AGBL4: variants seen among roughly 807,000 people sequenced by gnomAD.
AGBL4 encodes cytosolic carboxypeptidase 6.
In AGBL4, 58 loss-of-function variants were observed where a neutral mutation model predicts 66.4. That is an observed-to-expected ratio of 0.87 (90% CI 0.71 to 1.09). The LOEUF is 1.09. AGBL4 is among the 50% of genes least tolerant of loss of function. AGBL4 has a pLI of 0.00. For missense variants in AGBL4, 579 were observed against 631.0 expected (o/e 0.92, Z 0.88); for synonymous variants, 234 against 222.9 (o/e 1.05, Z -0.44).
intron 5 of AGBL4, among the ~76,000 whole-genome samples, chr1:49,001,884 A>C (rs1661418709): frequency 6.6e-6 from 1 of 152,232 alleles, no homozygotes; most frequent in South Asian, 2.1e-4. Context: ...TGGCTTTACC[A>C]GTACCCTGCC....
At chr1:48,620,701 A>G (rs1645398562) in intron 9 of AGBL4, among the ~76,000 whole-genome samples, 1 of 152,222 alleles carries the variant, frequency 6.6e-6, no homozygotes. Flanking sequence ...TGAAATCAAC[A>G]TTGAAATAGT....
At chr1:49,232,305 G>C (rs982389122) in intron 4 of AGBL4, among the ~76,000 whole-genome samples, 1 of 152,076 alleles carries the variant, frequency 6.6e-6, no homozygotes, top group African/African-American at 2.4e-5. Flanking sequence ...GGCACATATG[G>C]AGAGATTGCA....
At chr1:49,983,916 G>C (rs1390368379) in intron 1 of AGBL4, among the ~76,000 whole-genome samples, 2 of 152,146 alleles carry the variant, frequency 1.3e-5, no homozygotes, top group East Asian at 1.9e-4. Context: ...TGAGTTCCCA[G>C]CCATGACGGG....
At chr1:49,986,209 T>G (rs983399640) in intron 1 of AGBL4, among the ~76,000 whole-genome samples, 1 of 152,090 alleles carries the variant, frequency 6.6e-6, no homozygotes, top group African/African-American at 2.4e-5. Context: ...AGTCCTCATC[T>G]TGCCCCTTCC....
Position 48,676,282 on chromosome 1 carries a change from G to T in AGBL4, c.635-13041C>A, listed in dbSNP as rs572227480. Among the ~76,000 whole-genome samples the T allele has an allele frequency of 3.3e-5, 5 of 152,376 alleles. No homozygotes were observed. In the East Asian group the frequency reaches 9.6e-4, roughly 29 times the overall value. ...ATTCATTTAGAAAGGCTTGAGTGGG[G>T]GGTCTGAAGGTCTGAAGGTGCTGGC... On this transcript the variant is annotated intron_variant, in intron 6 of 13. Coordinates refer to ENST00000371839, the MANE Select transcript of AGBL4 (RefSeq NM_032785.4).
chr1:49,817,654 A>G (rs1408640760), intron 2 of AGBL4, among the ~76,000 whole-genome samples: 3 of 152,312 alleles, frequency 2.0e-5, no homozygotes, highest in South Asian at 4.1e-4. Flanking sequence ...AAACAAAGAA[A>G]AAGTGTATAC....
At chr1:49,937,911 C>T (rs1243188854) in intron 1 of AGBL4, among the ~76,000 whole-genome samples, 1 of 152,078 alleles carries the variant, frequency 6.6e-6, no homozygotes, top group Non-Finnish European at 1.5e-5. Flanking sequence ...CCAAAATTGA[C>T]ACCCTAACAT....
At chr1:49,658,446 G>A (rs1646196209) in intron 3 of AGBL4, among the ~76,000 whole-genome samples, 1 of 152,222 alleles carries the variant, frequency 6.6e-6, no homozygotes, top group African/African-American at 2.4e-5. Flanking sequence ...GGAATTCAGT[G>A]TGGCGATTCC....
intron 4 of AGBL4, among the ~76,000 whole-genome samples, chr1:49,138,314 G>A (rs1359662105): frequency 1.3e-5 from 2 of 152,108 alleles, no homozygotes; most frequent in Non-Finnish European, 2.9e-5. Flanking sequence ...CTTTGCAGAA[G>A]CTAATGGAGA....
chr1:48,926,154 A>G (rs1654541722), intron 5 of AGBL4, among the ~76,000 whole-genome samples: 1 of 152,230 alleles, frequency 6.6e-6, no homozygotes, highest in African/African-American at 2.4e-5. Flanking sequence ...TATATGCAGA[A>G]GAAGACAGCA....
At chr1:49,367,192 C>A (rs1570536441) in intron 3 of AGBL4, among the ~76,000 whole-genome samples, 1 of 152,206 alleles carries the variant, frequency 6.6e-6, no homozygotes, top group South Asian at 2.1e-4. Flanking sequence ...CCCTCCAAAT[C>A]TCATGTTGAA....
intron 9 of AGBL4, among the ~76,000 whole-genome samples, chr1:48,620,170 C>T (rs996117409): frequency 1.3e-5 from 2 of 152,164 alleles, no homozygotes; most frequent in Non-Finnish European, 2.9e-5. Context: ...AAGATATTAG[C>T]ACAGCTGTAA....
chr1:49,038,539 A>G (rs1664846463), intron 5 of AGBL4, among the ~76,000 whole-genome samples: 1 of 152,176 alleles, frequency 6.6e-6, no homozygotes, highest in South Asian at 2.1e-4. Flanking sequence ...AATGAGCCAA[A>G]GACCTTAACA....
At chr1:49,743,526 C>T (rs374846825) in intron 2 of AGBL4, among the ~76,000 whole-genome samples, 13 of 152,196 alleles carry the variant, frequency 8.5e-5, no homozygotes, top group East Asian at 5.8e-4. Context: ...CTAGAAATAC[C>T]ATTTGACCCA....
intron 1 of AGBL4, among the ~76,000 whole-genome samples, chr1:49,987,193 G>C (rs1659569327): frequency 6.6e-6 from 1 of 152,032 alleles, no homozygotes; most frequent in Admixed American, 6.6e-5. Flanking sequence ...CAAATCATTA[G>C]AGTAATTCTA....
Position 49,217,059 on chromosome 1 carries a change from C to G in AGBL4, c.377+28711G>C, listed in dbSNP as rs574894446. Among the ~76,000 whole-genome samples the G allele has an allele frequency of 5.3e-5, 8 of 152,184 alleles. No individual in the cohort carries two copies. The South Asian group carries it at 1.2e-3, about 24-fold the overall frequency. On this transcript the variant is annotated intron_variant, in intron 4 of 13. Coordinates refer to ENST00000371839, the MANE Select transcript of AGBL4 (RefSeq NM_032785.4). ...CATGCTTATGTAGAAGTCAAGCAAGCATGTGCCCCTATTAGACCTTGGAGA... is the reference window on the plus strand; with the variant it reads ...CATGCTTATGTAGAAGTCAAGCAAGGATGTGCCCCTATTAGACCTTGGAGA...
chr1:49,836,699 C>T (rs1022407753), intron 2 of AGBL4, among the ~76,000 whole-genome samples: 1 of 152,116 alleles, frequency 6.6e-6, no homozygotes, highest in African/African-American at 2.4e-5. Flanking sequence ...CTGGTTTTTC[C>T]TCATCTTCGT....
chr1:48,997,094 T>C (rs1435808772), intron 5 of AGBL4, among the ~76,000 whole-genome samples: 1 of 152,048 alleles, frequency 6.6e-6, no homozygotes, highest in Non-Finnish European at 1.5e-5. Context: ...AGCTAGTTTT[T>C]GTAATTTTAG....
At chr1:49,786,496 T>C (rs543557061) in intron 2 of AGBL4, among the ~76,000 whole-genome samples, 1 of 152,154 alleles carries the variant, frequency 6.6e-6, no homozygotes, top group Non-Finnish European at 1.5e-5. Flanking sequence ...AGGTTAAGTA[T>C]ACCTTTAAAA....
Sources: gnomAD v4.1 joint callset for allele counts (sites outside exome capture counted in the v4.1 genomes callset) on GRCh38, gnomAD v4.1.1 for gene constraint, MANE v1.5 for transcripts, NCBI Gene and HGNC (gene_info 2026-07-23, HGNC 2026-07-21) for gene names.